BCL2: variants seen among roughly 807,000 people sequenced by gnomAD.
The protein encoded by BCL2 is apoptosis regulator Bcl-2.
A neutral mutation model predicts 14.2 loss-of-function variants in BCL2; 1 was observed. That is an observed-to-expected ratio of 0.07 (90% confidence interval 0.02 to 0.33). The LOEUF (loss-of-function observed/expected upper bound fraction) is 0.33, where lower values mean the gene tolerates loss of function less well. BCL2 is among the 10% of genes least tolerant of loss of function. BCL2 has a pLI of 0.99. For missense variants in BCL2, 247 were observed against 305.9 expected, an observed-to-expected ratio of 0.81 and a Z score of 1.44; for synonymous variants, 151 against 137.2, an observed-to-expected ratio of 1.10 and a Z score of -0.70.
At chr18:63,224,583 A>AT (rs777725587) in intron 2 of BCL2, among the ~76,000 whole-genome samples, 7 of 152,356 alleles carry the variant, frequency 4.6e-5, no homozygotes, top group Non-Finnish European at 1.0e-4. Context: ...ACACAACAGA[A>AT]TGAAGACAAT....
Position 63,284,813 on chromosome 18 carries a change from G to A in BCL2, c.585+33269C>T, listed in dbSNP as rs187844303. 4.4e-5 allele frequency among the ~76,000 whole-genome samples: 6 copies of A among 135,522 alleles called. No homozygotes were observed. In the East Asian group the frequency reaches 1.0e-3, roughly 24 times the overall value. The allele number at this position is 135,522 out of a possible 152,430, so 88.9% of individuals were successfully genotyped here. ...AGGGGTGGGGGGTTTGGACGGAGAGGAACCACTGGTTTTTATTCAAAATCC... is the reference window on the plus strand; with the variant it reads ...AGGGGTGGGGGGTTTGGACGGAGAGAAACCACTGGTTTTTATTCAAAATCC... On this transcript the variant is annotated intron_variant, in intron 2 of 2. Transcript: ENST00000333681.
At chr18:63,154,504 C>T (rs889454210) in intron 2 of BCL2, among the ~76,000 whole-genome samples, 7 of 152,320 alleles carry the variant, frequency 4.6e-5, no homozygotes, top group Non-Finnish European at 8.8e-5. Context: ...CCTCTCCCCA[C>T]ACCCACTGCT....
At chr18:63,255,829 C>A (rs896666495) in intron 2 of BCL2, among the ~76,000 whole-genome samples, 1 of 149,260 alleles carries the variant, frequency 6.7e-6, no homozygotes, top group African/African-American at 2.6e-5. Context: ...TGCAGCCCTC[C>A]CCCCCCGCCA....
In BCL2 at chr18:63,296,285, A is replaced by G. The variant is rs76986960; in HGVS notation, c.585+21797T>C. 1.3e-3 allele frequency among the ~76,000 whole-genome samples: 199 copies of G among 152,264 alleles called. 1 individual carries two copies. The East Asian group carries it at 0.031, about 24-fold the overall frequency. On this transcript the variant is annotated intron_variant, in intron 2 of 2. Coordinates refer to ENST00000333681, the MANE Select transcript of BCL2 (RefSeq NM_000633.3). ...CCAGCTGTAATGGTCCAGCCTGGCAAGAGTTAGAAACTACTGAAGTCCTTT... is the reference window on the plus strand; with the variant it reads ...CCAGCTGTAATGGTCCAGCCTGGCAGGAGTTAGAAACTACTGAAGTCCTTT...
intron 2 of BCL2, among the ~76,000 whole-genome samples, chr18:63,292,685 A>G (rs1339132716): frequency 6.6e-6 from 1 of 152,258 alleles, no homozygotes; most frequent in Non-Finnish European, 1.5e-5. Context: ...TTCTTCAGCC[A>G]TGACACATCG....
rs1913919422 is a variant in BCL2 at position 63,126,679 on chromosome 18, C to T, written c.*1946G>A. On this transcript the variant is annotated 3_prime_UTR_variant, in exon 3 of 3. Coordinates refer to ENST00000333681, the MANE Select transcript of BCL2 (RefSeq NM_000633.3). ...TAGGTAGCTGAGACTCAGGGCTTAT[C>T]TCACCTTCTCAGAATGCTTTTGAAG... is the stretch of plus-strand genomic sequence containing the variant. 8.8e-6 allele frequency: 2 copies of T among 227,002 alleles called. No homozygotes were observed. Among genetic ancestry groups the T allele is most frequent in the Admixed American group, 1.1e-4 (2 of 17,546 alleles). The allele number at this position is 227,002 out of a possible 1,614,324, so 14.1% of individuals were successfully genotyped here. A position where few individuals can be genotyped will look rare whatever the true frequency, so the allele number is the denominator to read the frequency against.
At chr18:63,134,607 A>C (rs1281242981) in intron 2 of BCL2, among the ~76,000 whole-genome samples, 1 of 152,194 alleles carries the variant, frequency 6.6e-6, no homozygotes, top group Non-Finnish European at 1.5e-5. Context: ...TACATTCCAC[A>C]GTCTTTGAGC....
intron 2 of BCL2, among the ~76,000 whole-genome samples, chr18:63,145,839 C>T (rs1914497427): frequency 1.3e-5 from 2 of 152,328 alleles, no homozygotes; most frequent in Non-Finnish European, 1.5e-5. Flanking sequence ...TGCACAGTGA[C>T]TATAAGCTCA....
rs948096123 is a variant in BCL2 at position 63,294,241 on chromosome 18, G to A, written c.585+23841C>T. Among the ~76,000 whole-genome samples the A allele has an allele frequency of 9.9e-5, 15 of 151,968 alleles. No homozygotes were observed. The East Asian group carries it at 1.3e-3, about 14-fold the overall frequency. On this transcript the variant is annotated intron_variant, in intron 2 of 2. Coordinates refer to ENST00000333681, the MANE Select transcript of BCL2 (RefSeq NM_000633.3). The stretch of plus-strand genomic sequence containing the variant: ...GGTGCTAAGCAAAGTATAATGAGGC[G>A]GAAGAGGTGGCTGGAACCCTCAGTG...
At chr18:63,229,586 CCT>C (rs1214578245) in intron 2 of BCL2, among the ~76,000 whole-genome samples, 4 of 152,278 alleles carry the variant, frequency 2.6e-5, no homozygotes, top group African/African-American at 9.6e-5. Context: ...TTCCCCGTCT[CCT>C]CTCTCTTACT....
intron 2 of BCL2, among the ~76,000 whole-genome samples, chr18:63,194,752 T>C (rs1909396984): frequency 6.6e-6 from 1 of 152,176 alleles, no homozygotes; most frequent in African/African-American, 2.4e-5. Context: ...CCCACTAAAC[T>C]CTGTGATATT....
intron 2 of BCL2, among the ~76,000 whole-genome samples, chr18:63,233,181 C>T (rs75976721): frequency 0.024 from 3,696 of 152,292 alleles, 63 homozygotes; most frequent in Non-Finnish European, 0.038. Flanking sequence ...CTCCAAAATC[C>T]TGCCTCCTAA....
In BCL2 at chr18:63,250,341, T is replaced by C. The variant is rs145362329; in HGVS notation, c.585+67741A>G. Reference sequence around the variant, plus strand: ...AAAATGAATTAAGTTAATGAAGTCATAAACACTAATTGAGAGTATTACTGA... The same window carrying C: ...AAAATGAATTAAGTTAATGAAGTCACAAACACTAATTGAGAGTATTACTGA... On this transcript the variant is annotated intron_variant, in intron 2 of 2. Transcript: ENST00000333681. 1.7e-3 allele frequency among the ~76,000 whole-genome samples: 265 copies of C among 152,286 alleles called. 2 individuals are homozygous for C. The highest frequency in any genetic ancestry group is 5.9e-3 in the African/African-American group (244 of 41,538).
chr18:63,243,343 CA>C (rs1244040921), intron 2 of BCL2, among the ~76,000 whole-genome samples: 5 of 152,010 alleles, frequency 3.3e-5, no homozygotes. Flanking sequence ...AGGGGAACAA[CA>C]CACACTAGGA....
intron 2 of BCL2, among the ~76,000 whole-genome samples, chr18:63,178,370 G>A (rs1442278053): frequency 6.6e-6 from 1 of 152,182 alleles, no homozygotes; most frequent in Non-Finnish European, 1.5e-5. Flanking sequence ...TCAGGGGAGG[G>A]CGGGGCGCTG....
chr18:63,233,984 A>T (rs964470253), intron 2 of BCL2, among the ~76,000 whole-genome samples: 7 of 152,146 alleles, frequency 4.6e-5, no homozygotes, highest in Non-Finnish European at 8.8e-5. Context: ...TTTGTATTTT[A>T]AATATTAAAT....
At position 63,302,631 on chromosome 18, in the gene BCL2, C is replaced by T. The variant is rs571132328; in HGVS notation, c.585+15451G>A. ...CTTCTGAAGAGTGACTTATTCTGCA[C>T]ATGAATTCAGAGTGAGTTAAATATT... On this transcript the variant is annotated intron_variant, in intron 2 of 2. Coordinates refer to ENST00000333681, the MANE Select transcript of BCL2 (RefSeq NM_000633.3). 46 of 985,038 alleles carry T rather than the reference C, an allele frequency of 4.7e-5. No individual in the cohort carries two copies. In the African/African-American group the frequency reaches 7.2e-4, roughly 15 times the overall value. The allele number at this position is 985,038 out of a possible 1,614,324, so 61.0% of individuals were successfully genotyped here.
At chr18:63,223,733 T>C (rs368796514) in intron 2 of BCL2, among the ~76,000 whole-genome samples, 4 of 152,364 alleles carry the variant, frequency 2.6e-5, no homozygotes, top group East Asian at 1.9e-4. Context: ...TAGGAGACTT[T>C]AGGAGTTGTT....
At chr18:63,202,512 G>A (rs1355325157) in intron 2 of BCL2, among the ~76,000 whole-genome samples, 1 of 152,016 alleles carries the variant, frequency 6.6e-6, no homozygotes, top group Non-Finnish European at 1.5e-5. Context: ...ATAATTTTCA[G>A]CTCTAACATT....
Sources: gnomAD v4.1 joint callset for allele counts (sites outside exome capture counted in the v4.1 genomes callset) on GRCh38, gnomAD v4.1.1 for gene constraint, MANE v1.5 for transcripts, NCBI Gene and HGNC (gene_info 2026-07-23, HGNC 2026-07-21) for gene names.